Variants in SOX5 observed in about 807,000 individuals in gnomAD.
SOX5 encodes the protein transcription factor SOX-5.
A neutral mutation model predicts 92.0 loss-of-function variants in SOX5; 9 were observed. The ratio of observed to expected loss-of-function variants is 0.10; its 90% CI spans 0.06 to 0.17. The LOEUF is 0.17. Ranked by LOEUF, SOX5 falls within the 10% of genes least tolerant of loss-of-function variation. The pLI is 1.00. For synonymous variants in SOX5, 344 were observed against 336.3 expected (o/e 1.02, Z -0.25); for missense variants, 642 against 944.5 (o/e 0.68, Z 4.20).
intron 3 of SOX5, among the ~76,000 whole-genome samples, chr12:23,818,535 A>C (rs1370248441): frequency 1.3e-5 from 2 of 152,204 alleles, no homozygotes; most frequent in Non-Finnish European, 2.9e-5. Flanking sequence ...AGGACTGTAC[A>C]CTACAATAGA....
upstream of SOX5, chr12:23,950,977 GCACACACACACA>G (rs35800209): frequency 5.3e-5 from 33 of 619,896 alleles, no homozygotes; most frequent in Middle Eastern, 2.8e-4. Flanking sequence ...ACACACGCAT[GCACACACACACA>G]CACACACACA....
chr12:23,851,129 T>A (rs528278206), intron 2 of SOX5, among the ~76,000 whole-genome samples: 6 of 152,082 alleles, frequency 3.9e-5, no homozygotes, highest in Non-Finnish European at 7.4e-5. Flanking sequence ...CTTATCAAGA[T>A]AAAAGTTTAT....
chr12:23,624,943 C>T (rs192395132), intron 8 of SOX5, among the ~76,000 whole-genome samples: 53 of 152,246 alleles, frequency 3.5e-4, no homozygotes, highest in Admixed American at 3.1e-3. Flanking sequence ...AATTTGCTAC[C>T]ATTTTAGATT....
At chr12:23,621,548 C>A (rs759212457) in intron 8 of SOX5, among the ~76,000 whole-genome samples, 11 of 152,070 alleles carry the variant, frequency 7.2e-5, no homozygotes, top group Non-Finnish European at 1.3e-4. Context: ...TTCTCTACAA[C>A]AATTTCCTCC....
Position 23,563,327 on chromosome 12 carries a change from T to C in SOX5, c.1419A>G (p.Glu473=). The change falls in exon 11 of 15, where the codon GAA becomes GAG. Residue 473 remains glutamate, a synonymous_variant. Transcript: ENST00000451604. The part of the protein sequence containing the change: ...ARQMKEQLRR[E]QQVLDGKVAV... ...CCACCTTCCCATCAAGCACCTGTTG[T>C]TCCCGTCGGAGTTGCTCCTTCATTT... 6.2e-7 allele frequency: 1 copy of C among 1,614,098 alleles called. No homozygotes were observed. Among genetic ancestry groups the C allele is most frequent in the Non-Finnish European group, 8.5e-7 (1 of 1,179,936 alleles).
At chr12:23,800,557 A>T (rs184214479) in intron 3 of SOX5, among the ~76,000 whole-genome samples, 23 of 143,082 alleles carry the variant, frequency 1.6e-4, no homozygotes, top group East Asian at 5.9e-4. Flanking sequence ...TTTAAAATTT[A>T]AAAAAAAAAC....
intron 1 of SOX5, among the ~76,000 whole-genome samples, chr12:24,423,539 A>G (rs1438955486): frequency 1.3e-5 from 2 of 152,238 alleles, no homozygotes; most frequent in African/African-American, 4.8e-5. Flanking sequence ...CATTCCTTCT[A>G]CACGGAGCAT....
intron 4 of SOX5, among the ~76,000 whole-genome samples, chr12:23,982,955 C>A (rs1316348083): frequency 6.6e-6 from 1 of 152,174 alleles, no homozygotes; most frequent in South Asian, 2.1e-4. Flanking sequence ...CTCTATGGAA[C>A]AGTGTAGTAG....
At chr12:24,326,778 T>TCATACCCACA (rs1233716219) in intron 2 of SOX5, among the ~76,000 whole-genome samples, 6 of 33,114 alleles carry the variant, frequency 1.8e-4, no homozygotes, top group Non-Finnish European at 4.0e-4. Flanking sequence ...ACCCACCCAT[T>TCATACCCACA]CATACACACA....
At chr12:24,457,443 A>T (rs1357868626) in intron 1 of SOX5, among the ~76,000 whole-genome samples, 1 of 152,192 alleles carries the variant, frequency 6.6e-6, no homozygotes, top group Non-Finnish European at 1.5e-5. Context: ...AGGCTTTGAC[A>T]TTTTAGTTAA....
intron 1 of SOX5, among the ~76,000 whole-genome samples, chr12:24,508,343 G>A (rs1043836174): frequency 6.6e-6 from 1 of 152,070 alleles, no homozygotes; most frequent in Non-Finnish European, 1.5e-5. Context: ...AAGGTAGGGG[G>A]CCAGGAATTA....
intron 4 of SOX5, among the ~76,000 whole-genome samples, chr12:24,199,196 A>T (rs1299667233): frequency 6.6e-6 from 1 of 152,196 alleles, no homozygotes; most frequent in African/African-American, 2.4e-5. Flanking sequence ...ATGGATGCCC[A>T]TGATTAAAGA....
chr12:24,131,471 A>G (rs1949641018), intron 4 of SOX5, among the ~76,000 whole-genome samples: 1 of 152,238 alleles, frequency 6.6e-6, no homozygotes, highest in African/African-American at 2.4e-5. Context: ...TAAAGGCCCA[A>G]TGATTGTTCA....
chr12:24,206,264 C>A (rs1480670659), intron 4 of SOX5, among the ~76,000 whole-genome samples: 1 of 152,192 alleles, frequency 6.6e-6, no homozygotes, highest in Non-Finnish European at 1.5e-5. Context: ...ACAAAAGCTT[C>A]TTTTCTGCAT....
rs188452077 is a variant in SOX5 at position 24,342,753 on chromosome 12, A to G, written c.-174+25810T>C. Among the ~76,000 whole-genome samples the G allele has an allele frequency of 1.0e-3, 157 of 152,304 alleles. 2 individuals are homozygous for G. The highest frequency in any genetic ancestry group is 3.6e-3 in the African/African-American group (149 of 41,578). Reference sequence around the variant, plus strand: ...CCTTTCCATTCAACCCCACAATGCAACCAGAGTGATCTATCAAGTGGTAAA... The same window carrying G: ...CCTTTCCATTCAACCCCACAATGCAGCCAGAGTGATCTATCAAGTGGTAAA... On this transcript the variant is annotated intron_variant, in intron 2 of 4. Coordinates refer to the SOX5 transcript ENST00000446891.
intron 4 of SOX5, among the ~76,000 whole-genome samples, chr12:24,092,722 G>A (rs1321018260): frequency 6.6e-6 from 1 of 152,096 alleles, no homozygotes; most frequent in Non-Finnish European, 1.5e-5. Context: ...TCTGTAATAT[G>A]GACAAAAATG....
chr12:23,644,014 C>A (rs1426412173), intron 7 of SOX5, among the ~76,000 whole-genome samples: 5 of 152,166 alleles, frequency 3.3e-5, no homozygotes, highest in Non-Finnish European at 5.9e-5. Flanking sequence ...GTATTTATGT[C>A]CCATGTAATC....
At chr12:24,483,647 G>GT (rs1313538947) in intron 1 of SOX5, among the ~76,000 whole-genome samples, 2 of 152,208 alleles carry the variant, frequency 1.3e-5, no homozygotes, top group Admixed American at 1.3e-4. Flanking sequence ...ACCTATGATG[G>GT]TGGTAAGCTT....
intron 4 of SOX5, among the ~76,000 whole-genome samples, chr12:24,068,704 GTATATATATATATATATATATATATATA>G (rs1164844032): frequency 4.0e-5 from 3 of 74,328 alleles, no homozygotes; most frequent in African/African-American, 1.7e-4. Flanking sequence ...GTGTGTGTGT[GTATATATATATATATATATATATATATA>G]TATATATATA....
Sources: gnomAD v4.1 joint callset for allele counts (sites outside exome capture counted in the v4.1 genomes callset) on GRCh38, gnomAD v4.1.1 for gene constraint, MANE v1.5 for transcripts, NCBI Gene and HGNC (gene_info 2026-07-23, HGNC 2026-07-21) for gene names.